HYCC2: variants seen among roughly 807,000 people sequenced by gnomAD.
HYCC2 encodes the protein hyccin PI4KA lipid kinase complex subunit 2, also known as hyccin 2.
chr2:200,999,010 G>T, the HYCC2 span, among the ~76,000 whole-genome samples: 9 of 152,274 alleles, frequency 5.9e-5, no homozygotes, highest in African/African-American at 2.2e-4. Context: ...TTCTACCTGG[G>T]AGCCCTAGCT....
At chr2:200,974,024 TATG>T in the HYCC2 span, 2 of 152,102 alleles carry the variant, frequency 1.3e-5, no homozygotes, top group African/African-American at 4.8e-5. Flanking sequence ...CACCAATAAA[TATG>T]ATCTTAAATT....
chr2:201,005,928 G>A, the HYCC2 span, among the ~76,000 whole-genome samples: 16 of 152,138 alleles, frequency 1.1e-4, no homozygotes, highest in East Asian at 2.5e-3. Context: ...CGCCTCCCCG[G>A]GTTCAAGCGA....
the HYCC2 span, chr2:201,063,913 C>T: frequency 1.6e-5 from 26 of 1,596,852 alleles, no homozygotes; most frequent in African/African-American, 2.5e-4. Context: ...ATTTTGGACC[C>T]GTGAAGGGAG....
the HYCC2 span, among the ~76,000 whole-genome samples, chr2:200,998,250 A>G: frequency 2.0e-5 from 3 of 152,156 alleles, no homozygotes; most frequent in African/African-American, 7.2e-5. Context: ...CACTTTATCA[A>G]TCTTCTTACC....
At chr2:201,063,556 T>A in the HYCC2 span, 3 of 1,586,796 alleles carry the variant, frequency 1.9e-6, no homozygotes, top group Admixed American at 5.0e-5. Context: ...TTGATGACCA[T>A]GACTCCGTGG....
At chr2:201,062,606 G>A in the HYCC2 span, among the ~76,000 whole-genome samples, 35 of 150,838 alleles carry the variant, frequency 2.3e-4, no homozygotes, top group African/African-American at 6.1e-4. Flanking sequence ...AGCTGAGATC[G>A]CGCCACTGCA....
At chr2:201,050,189 G>A in the HYCC2 span, among the ~76,000 whole-genome samples, 1 of 151,136 alleles carries the variant, frequency 6.6e-6, no homozygotes, top group Non-Finnish European at 1.5e-5. Flanking sequence ...ACTCTAGCCT[G>A]GGCAACAGAG....
chr2:201,024,392 G>T, the HYCC2 span, among the ~76,000 whole-genome samples: 1 of 151,928 alleles, frequency 6.6e-6, no homozygotes, highest in Non-Finnish European at 1.5e-5. Context: ...GGTACCCAAA[G>T]GTCAGAGCAT....
At chr2:201,042,733 C>G in the HYCC2 span, among the ~76,000 whole-genome samples, 2 of 147,272 alleles carry the variant, frequency 1.4e-5, no homozygotes, top group Admixed American at 6.7e-5. Flanking sequence ...CCGCCCCGTC[C>G]GGGAGGTGGG....
At chr2:200,977,489 G>T in the HYCC2 span, 3 of 152,140 alleles carry the variant, frequency 2.0e-5, no homozygotes, top group African/African-American at 7.2e-5. Context: ...ATGGTAAGGG[G>T]TAAAGTTAAG....
At chr2:200,984,460 A>G in the HYCC2 span, among the ~76,000 whole-genome samples, 24 of 152,374 alleles carry the variant, frequency 1.6e-4, no homozygotes, top group Admixed American at 5.2e-4. Context: ...AATAAACCCA[A>G]TTTTAATTGT....
chr2:201,000,394 A>G, the HYCC2 span, among the ~76,000 whole-genome samples: 1 of 152,182 alleles, frequency 6.6e-6, no homozygotes, highest in Non-Finnish European at 1.5e-5. Context: ...GTCTTAAGAA[A>G]AAAAGAAAAA....
chr2:201,047,190 G>C, the HYCC2 span, among the ~76,000 whole-genome samples: 2 of 152,046 alleles, frequency 1.3e-5, no homozygotes, highest in Non-Finnish European at 2.9e-5. Context: ...TCTCAGTGCA[G>C]CCGGCAGCAC....
the HYCC2 span, among the ~76,000 whole-genome samples, chr2:201,029,904 A>G: frequency 6.6e-6 from 1 of 152,204 alleles, no homozygotes; most frequent in Non-Finnish European, 1.5e-5. Context: ...CGTTGTGCAC[A>G]TGTACCCTAG....
chr2:201,023,768 T>C, the HYCC2 span: 4 of 477,660 alleles, frequency 8.4e-6, no homozygotes, highest in Non-Finnish European at 1.5e-5. Flanking sequence ...CTAGCCATTA[T>C]TCATATTAGT....
At chr2:201,043,598 T>A in the HYCC2 span, among the ~76,000 whole-genome samples, 1 of 151,180 alleles carries the variant, frequency 6.6e-6, no homozygotes, top group Non-Finnish European at 1.5e-5. Context: ...AAGCTCCGTC[T>A]CCCAGGTTCA....
the HYCC2 span, among the ~76,000 whole-genome samples, chr2:201,012,952 TACACAC>T: frequency 0.03 from 4,424 of 146,366 alleles, 214 homozygotes; most frequent in African/African-American, 0.1. Flanking sequence ...TTTCAAAAAA[TACACAC>T]ACACACACAC....
chr2:201,061,229 G>C, the HYCC2 span: 1 of 151,894 alleles, frequency 6.6e-6, no homozygotes, highest in Non-Finnish European at 1.5e-5. Context: ...CTGAGGTCAG[G>C]AGTTCGAAAC....
the HYCC2 span, among the ~76,000 whole-genome samples, chr2:201,012,076 T>TA: frequency 1.4e-4 from 22 of 152,306 alleles, no homozygotes; most frequent in African/African-American, 5.1e-4. Flanking sequence ...CCTTTTTTTT[T>TA]AAATGGTGAG....
Sources: allele counts gnomAD v4.1 joint callset (sites outside exome capture counted in the v4.1 genomes callset), GRCh38; gene constraint gnomAD v4.1.1; transcripts MANE v1.5; gene names NCBI Gene and HGNC (gene_info 2026-07-23, HGNC 2026-07-21).